Variants in DMD observed in about 807,000 individuals in gnomAD.
DMD encodes the protein dystrophin.
Under a neutral mutation model 330.1 loss-of-function variants are expected in DMD, and 63 were observed. That is an observed-to-expected ratio of 0.19 (90% CI 0.16 to 0.24). The LOEUF (loss-of-function observed/expected upper bound fraction) is 0.24, where lower values mean the gene tolerates loss of function less well. DMD is among the 10% of genes least tolerant of loss of function. The pLI is 1.00. For synonymous variants in DMD, 1,223 were observed against 959.8 expected (o/e 1.27, Z -5.07); for missense variants, 3,344 against 2,684.1 (o/e 1.25, Z -5.43).
At chrX:33,030,488 A>G (rs2094089435) in intron 1 of DMD, among the ~76,000 whole-genome samples, 1 of 112,364 alleles carries the variant, frequency 8.9e-6, no homozygotes, top group African/African-American at 3.2e-5. Flanking sequence ...TCTTGTTTAA[A>G]CATGAGTATG....
chrX:32,527,037 A>C (rs1460442755), intron 17 of DMD, among the ~76,000 whole-genome samples: 2 of 112,218 alleles, frequency 1.8e-5, no homozygotes, highest in Non-Finnish European at 3.8e-5. Context: ...AACTAGGTTT[A>C]TGAATGGCCA....
intron 55 of DMD, among the ~76,000 whole-genome samples, chrX:31,511,159 G>C (rs530024403): frequency 2.7e-5 from 3 of 109,658 alleles, no homozygotes; most frequent in African/African-American, 6.7e-5. Context: ...TGCTGTAGTG[G>C]AGATTTTTCA....
At chrX:31,195,777 AAAG>A (rs746220719) in intron 67 of DMD, among the ~76,000 whole-genome samples, 380 of 105,998 alleles carry the variant, frequency 3.6e-3, no homozygotes, top group African/African-American at 9.1e-3. Context: ...AGAAAAGAGA[AAAG>A]AAAGAAAGAA....
intron 44 of DMD, among the ~76,000 whole-genome samples, chrX:32,063,844 G>T (rs912019749): frequency 1.5e-4 from 17 of 111,220 alleles, no homozygotes. Context: ...TTACTAAACA[G>T]AAAGTTTGCA....
At chrX:32,100,760 T>C (rs759074117) in intron 44 of DMD, among the ~76,000 whole-genome samples, 4 of 111,576 alleles carry the variant, frequency 3.6e-5, no homozygotes, top group Non-Finnish European at 7.5e-5. Flanking sequence ...TTTGGGAGCT[T>C]GGTCCCATCT....
intron 59 of DMD, among the ~76,000 whole-genome samples, chrX:31,461,120 A>G (rs988064340): frequency 1.8e-5 from 2 of 111,758 alleles, no homozygotes; most frequent in Non-Finnish European, 3.8e-5. Flanking sequence ...CTATTAATCA[A>G]TCCAACAAGA....
At chrX:32,458,786 G>T (rs940814218) in intron 25 of DMD, among the ~76,000 whole-genome samples, 6 of 111,441 alleles carry the variant, frequency 5.4e-5, no homozygotes, top group African/African-American at 1.6e-4. Flanking sequence ...TCATTTCTAC[G>T]TATTCTTTAG....
intron 63 of DMD, among the ~76,000 whole-genome samples, chrX:31,250,403 C>G (rs1266872281): frequency 1.8e-5 from 2 of 111,822 alleles, no homozygotes; most frequent in Non-Finnish European, 3.8e-5. Context: ...GATCCCTCCT[C>G]TGCCTGAACT....
intron 49 of DMD, among the ~76,000 whole-genome samples, chrX:31,831,806 G>T (rs1243509085): frequency 8.9e-6 from 1 of 111,911 alleles, no homozygotes; most frequent in African/African-American, 3.3e-5. Flanking sequence ...GTTTCACCAT[G>T]TTAGCCAGGA....
At chrX:32,753,556 T>G (rs774822658) in intron 7 of DMD, among the ~76,000 whole-genome samples, 1 of 111,838 alleles carries the variant, frequency 8.9e-6, no homozygotes, top group East Asian at 2.8e-4. Context: ...CAACCAAGCT[T>G]CAGTACAAAT....
At position 31,639,102 on chromosome X, in the gene DMD, T is replaced by C. The variant is rs142809992; in HGVS notation, c.8028-11240A>G. Among the ~76,000 whole-genome samples the C allele has an allele frequency of 5.6e-4, 63 of 112,030 alleles. 2 individuals carry two copies. The highest frequency in any genetic ancestry group is 1.9e-3 in the African/African-American group (59 of 30,917). Reference sequence around the variant, plus strand: ...TATCACTCAGAAATAGGTTAGGTGCTCCGAAAATACTGCTATTTCATTAAT... The same window carrying C: ...TATCACTCAGAAATAGGTTAGGTGCCCCGAAAATACTGCTATTTCATTAAT... On this transcript the variant is annotated intron_variant, in intron 54 of 78. Transcript: ENST00000357033.
intron 43 of DMD, among the ~76,000 whole-genome samples, chrX:32,220,999 A>G (rs1349779389): frequency 9.0e-6 from 1 of 111,631 alleles, no homozygotes; most frequent in Non-Finnish European, 1.9e-5. Flanking sequence ...TGCAACCGGT[A>G]TTTAAAATTA....
intron 56 of DMD, among the ~76,000 whole-genome samples, chrX:31,504,054 T>A (rs1356177767): frequency 9.0e-6 from 1 of 111,384 alleles, no homozygotes; most frequent in African/African-American, 3.3e-5. Context: ...TAGGCATTCA[T>A]TAAATATTTG....
chrX:32,136,757 T>A (rs1191699301), intron 44 of DMD, among the ~76,000 whole-genome samples: 2 of 110,995 alleles, frequency 1.8e-5, no homozygotes, highest in Non-Finnish European at 3.8e-5. Flanking sequence ...GAAGTAGAAC[T>A]TTCCATGTTT....
At chrX:32,416,084 G>A (rs1569561875) in intron 29 of DMD, among the ~76,000 whole-genome samples, 1 of 111,393 alleles carries the variant, frequency 9.0e-6, no homozygotes, top group Admixed American at 9.6e-5. Flanking sequence ...AAGAAACTCT[G>A]GAAGAGAAAA....
chrX:32,395,435 G>GT (rs1187381190), intron 30 of DMD, among the ~76,000 whole-genome samples: 1 of 25,736 alleles, frequency 3.9e-5, no homozygotes, highest in Non-Finnish European at 6.0e-5. Context: ...GGTGGGGGGA[G>GT]GGGGGAGGGA....
chrX:33,058,471 ATT>A (rs1163854705), intron 1 of DMD, among the ~76,000 whole-genome samples: 2 of 51,037 alleles, frequency 3.9e-5, no homozygotes, highest in East Asian at 2.2e-3. Context: ...TTATTATTTT[ATT>A]TTTTTTTTTT....
intron 1 of DMD, among the ~76,000 whole-genome samples, chrX:33,025,467 T>C (rs1460635560): frequency 1.9e-5 from 2 of 104,890 alleles, no homozygotes; most frequent in African/African-American, 7.3e-5. Context: ...ATTTAAAAAC[T>C]GGGGGAAAAA....
upstream of DMD, among the ~76,000 whole-genome samples, chrX:33,212,018 A>C (rs1337304173): frequency 1.8e-5 from 2 of 112,280 alleles, no homozygotes; most frequent in African/African-American, 3.2e-5. Flanking sequence ...CTTGGGATTC[A>C]ATCAAAAGTT....
Sources: gnomAD v4.1 joint callset for allele counts (sites outside exome capture counted in the v4.1 genomes callset) on GRCh38, gnomAD v4.1.1 for gene constraint, MANE v1.5 for transcripts, NCBI Gene and HGNC (gene_info 2026-07-23, HGNC 2026-07-21) for gene names.